HNRNPH1: variants seen among roughly 807,000 people sequenced by gnomAD.
HNRNPH1 encodes the protein heterogeneous nuclear ribonucleoprotein H1, also known as heterogeneous nuclear ribonucleoprotein H.
In HNRNPH1, 4 loss-of-function variants were observed where a neutral mutation model predicts 58.6. That is an observed-to-expected ratio of 0.07 (90% CI 0.03 to 0.16). HNRNPH1 has a LOEUF of 0.16. Ranked by LOEUF, HNRNPH1 falls within the 10% of genes least tolerant of loss-of-function variation. The probability of loss-of-function intolerance (pLI) is 1.00; values close to 1 mark genes in which losing one functional copy is unlikely to be tolerated. For missense variants in HNRNPH1, 271 were observed against 564.2 expected, an observed-to-expected ratio of 0.48 and a Z score of 5.26; for synonymous variants, 192 against 189.2, an observed-to-expected ratio of 1.01 and a Z score of -0.12.
At chr5:179,614,472 T>TAA (rs1166764704) in exon 13 of HNRNPH1, 1 of 158,372 alleles carries the variant, frequency 6.3e-6, no homozygotes, top group Non-Finnish European at 1.4e-5. Flanking sequence ...TACAAAAAAA[T>TAA]AAAAGCATGT....
chr5:179,633,057 C>T (rs1381565356), intron 2 of HNRNPH1, among the ~76,000 whole-genome samples: 1 of 151,822 alleles, frequency 6.6e-6, no homozygotes, highest in Admixed American at 6.6e-5. Flanking sequence ...CGGGGTTTCA[C>T]CATGTTGATC....
intron 2 of HNRNPH1, among the ~76,000 whole-genome samples, chr5:179,631,301 G>GA (rs566350758): frequency 8.3e-4 from 125 of 151,216 alleles, no homozygotes; most frequent in African/African-American, 3.0e-3. Context: ...TGGCGATCAT[G>GA]AAAAAAAAAG....
intron 12 of HNRNPH1, 98 bp downstream of exon 13, chr5:179,615,448 A>G (rs911078434): frequency 6.3e-6 from 4 of 635,060 alleles, no homozygotes; most frequent in African/African-American, 5.6e-5. Flanking sequence ...GGCAGCCTCC[A>G]TGGAGTTAAG....
At chr5:179,618,468 T>A in intron 4 of HNRNPH1, 145 bp from the exon 6 acceptor site, 1 of 542,840 alleles carries the variant, frequency 1.8e-6, no homozygotes, top group Non-Finnish European at 3.2e-6. Flanking sequence ...TATATTTGCA[T>A]AGGCAATGAC....
rs771315640 is a variant in HNRNPH1, at chr5:179,616,231, G to A, written c.1208-13C>T. The A allele has an allele frequency of 2.1e-5, 34 of 1,603,026 alleles. No homozygotes were observed. The highest frequency in any genetic ancestry group is 1.4e-4 in the South Asian group (13 of 90,812). On this transcript the variant is annotated splice_polypyrimidine_tract_variant and intron_variant, in intron 10 of 12. Coordinates refer to ENST00000356731, the Ensembl canonical transcript of HNRNPH1. ...CTGGACTGGTTTGCTGTTAAGTTAAGAAAACATTAGAACCTTTTTTCTTAT... is the reference window on the plus strand; with the variant it reads ...CTGGACTGGTTTGCTGTTAAGTTAAAAAAACATTAGAACCTTTTTTCTTAT...
upstream of HNRNPH1, among the ~76,000 whole-genome samples, chr5:179,627,921 CA>C (rs574977616): frequency 1.4e-3 from 175 of 126,542 alleles, no homozygotes; most frequent in Non-Finnish European, 1.5e-3. Context: ...GATTCCATTG[CA>C]AAAAAAAAAA....
exon 13 of HNRNPH1, chr5:179,614,827 T>G: frequency 3.0e-6 from 3 of 990,090 alleles, no homozygotes; most frequent in Non-Finnish European, 4.6e-6. Flanking sequence ...GAGTCAGTGA[T>G]CAGGATCGAT....
intron 2 of HNRNPH1, among the ~76,000 whole-genome samples, chr5:179,631,692 A>G (rs1774840428): frequency 6.6e-6 from 1 of 151,944 alleles, no homozygotes. Flanking sequence ...CGTTGCGATG[A>G]GCTGAGTTCG....
exon 11 of HNRNPH1, chr5:179,616,143 C>G (rs748280231): frequency 1.2e-6 from 2 of 1,613,782 alleles, no homozygotes. Flanking sequence ...ACTCATGCTG[C>G]TCTGGCCACC....
At chr5:179,620,243 C>G (rs561475731) in intron 3 of HNRNPH1, among the ~76,000 whole-genome samples, 2 of 152,200 alleles carry the variant, frequency 1.3e-5, no homozygotes, top group Non-Finnish European at 2.9e-5. Context: ...TTAAAATATA[C>G]GATATCTTAT....
chr5:179,626,956 T>A (rs141855055), upstream of HNRNPH1, among the ~76,000 whole-genome samples: 1 of 151,822 alleles, frequency 6.6e-6, no homozygotes. Context: ...AATTTTCTTG[T>A]ATTTTTACTA....
At chr5:179,623,315 G>A (rs1562338347) in exon 1 of HNRNPH1, 2 of 465,492 alleles carry the variant, frequency 4.3e-6, no homozygotes, top group Middle Eastern at 4.5e-4. Context: ...TCCGGCGACC[G>A]GACCCCCAAA....
rs1315029958 is a variant in HNRNPH1, at chr5:179,632,264, C to T, written c.-32+1801G>A. Among the ~76,000 whole-genome samples, 7 of 150,870 alleles carry T rather than the reference C, an allele frequency of 4.6e-5. No homozygotes were observed. The East Asian group carries it at 9.8e-4, about 21-fold the overall frequency. On this transcript the variant is annotated intron_variant, in intron 2 of 4. Transcript: ENST00000521116. The stretch of plus-strand genomic sequence containing the variant: ...CGGAGCTTGCAGTGAGCCAAGATCC[C>T]GCCACCGCACTCCAGCCTGAGTGAC...
At chr5:179,627,904 A>G (rs1043950603), upstream of HNRNPH1, among the ~76,000 whole-genome samples, 28 of 149,174 alleles carry the variant, frequency 1.9e-4, no homozygotes, top group Non-Finnish European at 4.2e-4. Context: ...CCTGGGCAAC[A>G]GAGGGAGATT....
rs919779622 is a variant in HNRNPH1 at position 179,614,864 on chromosome 5, T to C, written c.*96A>G. 12 of 1,507,992 alleles carry C rather than the reference T, an allele frequency of 8.0e-6. No homozygotes were observed. In the Admixed American group the frequency reaches 2.2e-4, roughly 28 times the overall value. The allele number at this position is 1,507,992 out of a possible 1,614,324, so 93.4% of individuals were successfully genotyped here. A position where few individuals can be genotyped will look rare whatever the true frequency, so the allele number is the denominator to read the frequency against. On this transcript the variant is annotated 3_prime_UTR_variant, in exon 13 of 13. Transcript: ENST00000356731. ...AATTACATTCCCCATCCACCACTCA[T>C]ACTGGACATGCTAGACAACCCTCCC... is the stretch of plus-strand genomic sequence containing the variant.
At chr5:179,631,651 G>A (rs1278246794) in intron 2 of HNRNPH1, among the ~76,000 whole-genome samples, 1 of 152,148 alleles carries the variant, frequency 6.6e-6, no homozygotes, top group African/African-American at 2.4e-5. Flanking sequence ...GGGGGCTGAG[G>A]CAGGAGAATT....
Position 179,617,948 on chromosome 5 carries a change from T to A in HNRNPH1, c.788-16A>T. ...TAATTGAGGTCTAGATGGACAAGAG[T>A]GTAAGCATCCTTCAACTGAGAAATT... is the stretch of plus-strand genomic sequence containing the variant. On this transcript the variant is annotated splice_polypyrimidine_tract_variant and intron_variant, in intron 6 of 12. Transcript: ENST00000356731. 6.2e-7 allele frequency: 1 copy of A among 1,614,000 alleles called. No individual in the cohort carries two copies. The highest frequency in any genetic ancestry group is 1.3e-5 in the African/African-American group (1 of 75,030).
At chr5:179,621,352 G>A in exon 2 of HNRNPH1, 1 of 1,613,948 alleles carries the variant, frequency 6.2e-7, no homozygotes, top group Non-Finnish European at 8.5e-7. Context: ...GCCTTCTCTG[G>A]TGTAGATGAA....
intron 2 of HNRNPH1, among the ~76,000 whole-genome samples, chr5:179,633,049 G>C (rs1039943549): frequency 2.3e-4 from 35 of 151,602 alleles, no homozygotes; most frequent in African/African-American, 8.0e-4. Context: ...AGTAGAGACG[G>C]GGTTTCACCA....
Sources: allele counts gnomAD v4.1 joint callset (sites outside exome capture counted in the v4.1 genomes callset), GRCh38; gene constraint gnomAD v4.1.1; transcripts MANE v1.5; gene names NCBI Gene and HGNC (gene_info 2026-07-23, HGNC 2026-07-21).